Variants in DZANK1 observed in about 807,000 individuals in gnomAD.
DZANK1 encodes double zinc ribbon and ankyrin repeat domains 1, also known as double zinc ribbon and ankyrin repeat-containing protein 1.
Under a neutral mutation model 94.5 loss-of-function variants are expected in DZANK1, and 91 were observed. That is an observed-to-expected ratio of 0.96 (90% CI 0.81 to 1.15). The LOEUF (loss-of-function observed/expected upper bound fraction) is 1.15. Ranked by LOEUF, DZANK1 falls within the 50% of genes most tolerant of loss-of-function variation. The pLI is 0.00. For synonymous variants in DZANK1, 312 were observed against 325.3 expected (o/e 0.96, Z 0.44); for missense variants, 903 against 916.4 (o/e 0.99, Z 0.19).
intron 9 of DZANK1, among the ~76,000 whole-genome samples, chr20:18,431,820 C>G (rs2058297503): frequency 6.6e-6 from 1 of 152,192 alleles, no homozygotes; most frequent in African/African-American, 2.4e-5. Flanking sequence ...TGTTGCAGCC[C>G]AGCAAAACCA....
At chr20:18,405,405 C>T (rs991828686) in intron 13 of DZANK1, among the ~76,000 whole-genome samples, 5 of 149,826 alleles carry the variant, frequency 3.3e-5, no homozygotes, top group East Asian at 1.9e-4. Flanking sequence ...TATTATACAA[C>T]GTAAAAAAAA....
intron 1 of DZANK1, among the ~76,000 whole-genome samples, chr20:18,466,696 C>T (rs545090618): frequency 6.6e-5 from 10 of 152,200 alleles, no homozygotes; most frequent in Non-Finnish European, 1.3e-4. Flanking sequence ...GTGGGCCCCA[C>T]GCAAAGGGAA....
At chr20:18,464,335 C>A (rs1270648340) in intron 2 of DZANK1, among the ~76,000 whole-genome samples, 2 of 152,214 alleles carry the variant, frequency 1.3e-5, no homozygotes, top group African/African-American at 2.4e-5. Context: ...GGATTACAGG[C>A]GTGAGCCACC....
At position 18,441,764 on chromosome 20, in the gene DZANK1, G is replaced by A. The variant is rs1373036582; in HGVS notation, c.747+1583C>T. Among the ~76,000 whole-genome samples, 1 of 152,226 alleles carries A rather than the reference G, an allele frequency of 6.6e-6. No individual in the cohort carries two copies. The highest frequency in any genetic ancestry group is 2.4e-5 in the African/African-American group (1 of 41,460). On this transcript the variant is annotated intron_variant, in intron 8 of 20. Transcript: ENST00000262547. This position sits in a 1 kb window ranked among gnomAD's most constrained non-coding sequence, Gnocchi z 4.1. ...GAATTCCTCATCTAGGGAACTGGCA[G>A]AACATGTTGGGAAGTCAGATACAGA...
At chr20:18,449,173 A>G in intron 6 of DZANK1, 104 bp from the exon 7 acceptor site, 2 of 897,220 alleles carry the variant, frequency 2.2e-6, no homozygotes, top group South Asian at 1.5e-5. Context: ...ATGGGTGAAT[A>G]CACATAGACA....
At chr20:18,412,999 T>G (rs996439186) in intron 12 of DZANK1, 146 bp from the exon 13 acceptor site, 114 of 735,742 alleles carry the variant, frequency 1.5e-4, no homozygotes, top group Non-Finnish European at 2.4e-4. Flanking sequence ...AGCCTTTGCC[T>G]CATCTTCCTT....
intron 8 of DZANK1, among the ~76,000 whole-genome samples, chr20:18,437,801 TAAATA>T (rs2058579538): frequency 6.6e-6 from 1 of 151,880 alleles, no homozygotes; most frequent in Admixed American, 6.6e-5. Flanking sequence ...AAATCAAAAT[TAAATA>T]AAATAGAATG....
chr20:18,414,229 A>T, intron 12 of DZANK1, 119 bp downstream of exon 12: 1 of 1,182,050 alleles, frequency 8.5e-7, no homozygotes, highest in South Asian at 1.8e-5. Flanking sequence ...TTGAAATTCC[A>T]TGTGAAAGTT....
chr20:18,426,051 C>T (rs1029516098), intron 10 of DZANK1, among the ~76,000 whole-genome samples: 3 of 152,104 alleles, frequency 2.0e-5, no homozygotes, highest in Admixed American at 6.5e-5. Flanking sequence ...CATTTGATAC[C>T]GGTAGACCAG....
intron 1 of DZANK1, among the ~76,000 whole-genome samples, chr20:18,466,541 G>C (rs796637440): frequency 3.9e-5 from 6 of 152,332 alleles, no homozygotes; most frequent in African/African-American, 1.4e-4. Flanking sequence ...GGCTGGACTT[G>C]AGACTTGCCC....
At chr20:18,394,748 T>G (rs1442250487) in intron 15 of DZANK1, 1 of 462,196 alleles carries the variant, frequency 2.2e-6, no homozygotes, top group Non-Finnish European at 4.3e-6. Context: ...TAGGGTGTCA[T>G]GATGGGAAGG....
At chr20:18,417,829 T>C (rs1459732452) in intron 10 of DZANK1, among the ~76,000 whole-genome samples, 3 of 152,108 alleles carry the variant, frequency 2.0e-5, no homozygotes, top group Non-Finnish European at 1.5e-5. Context: ...CTCACACCTG[T>C]AATCCCAGCA....
At chr20:18,384,184 C>T (rs777686507) in exon 21 of DZANK1, 37 of 365,810 alleles carry the variant, frequency 1.0e-4, no homozygotes, top group African/African-American at 3.1e-4. Flanking sequence ...CTCAGCCTCT[C>T]GAGTAACTGG....
intron 7 of DZANK1, among the ~76,000 whole-genome samples, chr20:18,446,814 T>C (rs2058895818): frequency 1.3e-5 from 2 of 152,028 alleles, no homozygotes; most frequent in Admixed American, 1.3e-4. Context: ...GGTGAAGGAG[T>C]GAAAACACTT....
At chr20:18,461,603 T>G (rs1418917937) in intron 2 of DZANK1, among the ~76,000 whole-genome samples, 1 of 148,994 alleles carries the variant, frequency 6.7e-6, no homozygotes, top group Non-Finnish European at 1.5e-5. Context: ...TTGTAATCTT[T>G]TTTTTTTTTT....
At chr20:18,455,569 G>A (rs2059257711) in intron 3 of DZANK1, among the ~76,000 whole-genome samples, 1 of 152,190 alleles carries the variant, frequency 6.6e-6, no homozygotes, top group East Asian at 1.9e-4. Context: ...CCACCCCAAA[G>A]GTAGTGCCTT....
intron 3 of DZANK1, among the ~76,000 whole-genome samples, chr20:18,456,300 G>C (rs1206673825): frequency 6.6e-6 from 1 of 152,086 alleles, no homozygotes; most frequent in Non-Finnish European, 1.5e-5. Flanking sequence ...CTTGTTCTCT[G>C]ATGCAGTAAG....
At chr20:18,438,561 G>A (rs891254434) in intron 8 of DZANK1, among the ~76,000 whole-genome samples, 1 of 152,118 alleles carries the variant, frequency 6.6e-6, no homozygotes, top group Non-Finnish European at 1.5e-5. Context: ...AGAGAATAAA[G>A]GACTTTAAGA....
At chr20:18,455,755 C>G (rs1473420619) in intron 3 of DZANK1, among the ~76,000 whole-genome samples, 1 of 152,172 alleles carries the variant, frequency 6.6e-6, no homozygotes, top group African/African-American at 2.4e-5. Flanking sequence ...ACTGGAACAG[C>G]TAGGGGCTCG....
Sources: allele counts gnomAD v4.1 joint callset (sites outside exome capture counted in the v4.1 genomes callset), GRCh38; gene constraint gnomAD v4.1.1; non-coding constraint Gnocchi (gnomAD v3.1); transcripts MANE v1.5; gene names NCBI Gene and HGNC (gene_info 2026-07-23, HGNC 2026-07-21).